Variants in SIPA1L2 observed in about 807,000 individuals in gnomAD.
The protein encoded by SIPA1L2 is signal induced proliferation associated 1 like 2.
In SIPA1L2, 56 loss-of-function variants were observed where a neutral mutation model predicts 163.9. That is an observed-to-expected ratio of 0.34 (90% CI 0.28 to 0.43). SIPA1L2 has a LOEUF of 0.43. SIPA1L2 is among the 20% of genes least tolerant of loss of function. The pLI is 1.00. For missense variants in SIPA1L2, 1,974 were observed against 2,193.5 expected (o/e 0.90, Z 2.00); for synonymous variants, 877 against 865.7 (o/e 1.01, Z -0.23).
Position 232,479,643 on chromosome 1 carries a change from G to C in SIPA1L2, c.2069C>G (p.Pro690Arg). The C allele has an allele frequency of 6.2e-7, 1 of 1,613,550 alleles. No individual in the cohort carries two copies. The highest frequency in any genetic ancestry group is 1.3e-5 in the African/African-American group (1 of 74,970). Reference sequence around the variant, plus strand: ...AGGACATACCTGTTGTCTGTTGTTGGGCATGTAGGGAAGCAGGGTTGACAC... The same window carrying C: ...AGGACATACCTGTTGTCTGTTGTTGCGCATGTAGGGAAGCAGGGTTGACAC... ...FHVSTLLPYM[P>R]NNRQQLLRKR... The change falls in exon 7 of 23, where the codon CCC (proline) becomes CGC (arginine). Residue 690 changes from proline to arginine, a missense_variant. Around this residue, in one of 3 missense-constraint regions of SIPA1L2, gnomAD observed 288 missense variants for 418.9 expected, o/e 0.69. Transcript: ENST00000674635.
At chr1:232,541,910 T>A (rs1657704611) in intron 2 of SIPA1L2, among the ~76,000 whole-genome samples, 1 of 146,224 alleles carries the variant, frequency 6.8e-6, no homozygotes, top group Non-Finnish European at 1.5e-5. Flanking sequence ...AGGGAAAGAA[T>A]GTTAAATCTT....
chr1:232,611,857 C>G (rs1662253323), intron 1 of SIPA1L2, among the ~76,000 whole-genome samples: 1 of 152,188 alleles, frequency 6.6e-6, no homozygotes, highest in African/African-American at 2.4e-5. Flanking sequence ...AACTGTTATC[C>G]CCAAGACAAT....
At chr1:232,411,364 G>A (rs1431143265) in intron 19 of SIPA1L2, among the ~76,000 whole-genome samples, 3 of 152,124 alleles carry the variant, frequency 2.0e-5, no homozygotes, top group African/African-American at 4.8e-5. Flanking sequence ...GGGTTTGAGG[G>A]GTAAGGCAGA....
intron 15 of SIPA1L2, 65 bp from the exon 16 acceptor site, chr1:232,432,536 A>C: frequency 6.7e-7 from 1 of 1,492,948 alleles, no homozygotes. Flanking sequence ...CACACGGCCA[A>C]ATTCAGAGCC....
chr1:232,614,761 C>T (rs903116902), intron 1 of SIPA1L2, among the ~76,000 whole-genome samples: 1 of 152,206 alleles, frequency 6.6e-6, no homozygotes, highest in African/African-American at 2.4e-5. Context: ...CTGTTAAAAA[C>T]CATTTAGCCT....
chr1:232,527,725 CT>C lies in SIPA1L2; in HGVS notation c.-269-12118del, dbSNP rs57868657. Among the ~76,000 whole-genome samples the C allele has an allele frequency of 9.2e-3, 741 of 80,898 alleles. 3 individuals are homozygous for C. Among genetic ancestry groups the C allele is most frequent in the African/African-American group, 0.025 (479 of 19,298 alleles). 53.1% of individuals were successfully genotyped at this position (80,898 alleles called of 152,430 possible). ...ACCCCATTTAATTCTTCTTCTTCTT[CT>C]TTTTTTTTTTTTTTTTTTTTTTTGA... is the stretch of plus-strand genomic sequence containing the variant. On this transcript the variant is annotated intron_variant, in intron 2 of 22. Transcript: ENST00000674635.
At position 232,433,202 on chromosome 1, in the gene SIPA1L2, C is replaced by A. The variant is rs184524760; in HGVS notation, c.4032-731G>T. ...CGATTAATAACTATGAATGAATACA[C>A]GGAATACTCTACGAATGAATGGACT... On this transcript the variant is annotated intron_variant, in intron 15 of 22. Coordinates refer to ENST00000674635, the MANE Select transcript of SIPA1L2 (RefSeq NM_020808.5). Among the ~76,000 whole-genome samples the A allele has an allele frequency of 5.9e-4, 90 of 152,266 alleles. 2 individuals carry two copies. The South Asian group carries it at 0.015, about 25-fold the overall frequency.
At chr1:232,500,488 G>A (rs1228587608) in intron 3 of SIPA1L2, among the ~76,000 whole-genome samples, 2 of 152,164 alleles carry the variant, frequency 1.3e-5, no homozygotes, top group Non-Finnish European at 2.9e-5. Context: ...AATTTAGAAG[G>A]TGGCTCCAAC....
In SIPA1L2 at chr1:232,445,722, AG is replaced by A. The variant is rs1366695849; in HGVS notation, c.3159del (p.Cys1054AlafsTer194). Reference protein sequence around the residue: ...VEYKLDSEGTPCEYKTPFRRN... With the variant: ...VEYKLDSEGTXCEYKTPFRRN... Reference sequence around the variant, plus strand: ...CTCCTGAAGGGGGTTTTATACTCGCAGGGGGTGCCCTCGCTGTCGAGTTTAT... The same window carrying A: ...CTCCTGAAGGGGGTTTTATACTCGCAGGGGTGCCCTCGCTGTCGAGTTTAT... On this transcript the variant is annotated frameshift_variant, in exon 11 of 23. Coordinates refer to ENST00000674635, the MANE Select transcript of SIPA1L2 (RefSeq NM_020808.5). LOFTEE classifies it high-confidence loss of function. 1 of 1,613,680 alleles carries A rather than the reference AG, an allele frequency of 6.2e-7. No homozygotes were observed. The highest frequency in any genetic ancestry group is 1.7e-5 in the Admixed American group (1 of 60,014).
Position 232,465,016 on chromosome 1 carries a change from T to A in SIPA1L2, c.2644A>T (p.Met882Leu). ...TTCTTGGAATCCTTTTCAATCAACA[T>A]GATGAACTCATTGGAGATCCCGAGA... is the stretch of plus-strand genomic sequence containing the variant. ...CLLGISNEFI[M>L]LIEKDSKNVV... The change falls in exon 9 of 23, where the codon ATG (methionine) becomes TTG (leucine). Residue 882 changes from methionine to leucine, a missense_variant. Physicochemically the swap from Met to Leu is conservative, Grantham distance 15 (BLOSUM62 2). Around this residue, in one of 3 missense-constraint regions of SIPA1L2, gnomAD observed 1,079 missense variants for 1,150.7 expected, o/e 0.94. Coordinates refer to ENST00000674635, the MANE Select transcript of SIPA1L2 (RefSeq NM_020808.5). The surrounding 1 kb of genome is among the most constrained non-coding windows in gnomAD (Gnocchi z 4.1). The A allele has an allele frequency of 1.2e-6, 2 of 1,614,180 alleles. No individual in the cohort carries two copies. Among genetic ancestry groups the A allele is most frequent in the Non-Finnish European group, 1.7e-6 (2 of 1,180,034 alleles).
intron 19 of SIPA1L2, among the ~76,000 whole-genome samples, chr1:232,407,267 CTTTCCATTTTTT>C (rs985692217): frequency 5.3e-5 from 8 of 151,036 alleles, no homozygotes; most frequent in African/African-American, 1.9e-4. Context: ...AGTCATTTTT[CTTTCCATTTTTT>C]TTTCCACTAA....
chr1:232,462,822 A>G (rs1664311395), intron 9 of SIPA1L2, among the ~76,000 whole-genome samples: 3 of 152,204 alleles, frequency 2.0e-5, no homozygotes, highest in African/African-American at 4.8e-5. Flanking sequence ...GAGCCTTTCC[A>G]GAGTCCTCCA....
At chr1:232,455,857 C>T (rs1050340915) in intron 10 of SIPA1L2, among the ~76,000 whole-genome samples, 1 of 152,086 alleles carries the variant, frequency 6.6e-6, no homozygotes, top group African/African-American at 2.4e-5. Context: ...CAACAGAAAA[C>T]CAAATGCTGT....
chr1:232,452,664 G>A (rs528762345), intron 10 of SIPA1L2, among the ~76,000 whole-genome samples: 2 of 152,262 alleles, frequency 1.3e-5, no homozygotes, highest in African/African-American at 2.4e-5. Flanking sequence ...CAGGCTGACC[G>A]TCAAGACCAT....
rs74660881 is a variant in SIPA1L2 at position 232,501,453 on chromosome 1, G to A, written c.1484-7793C>T. ...TCAGGCAGGGTCCAGCCATAAGACA[G>A]GTGCATCTTCTTCTTGGGCCAGTGA... On this transcript the variant is annotated intron_variant, in intron 3 of 22. Coordinates refer to ENST00000674635, the MANE Select transcript of SIPA1L2 (RefSeq NM_020808.5). Among the ~76,000 whole-genome samples, 118 of 152,192 alleles carry A rather than the reference G, an allele frequency of 7.8e-4. 1 individual carries two copies. The East Asian group carries it at 0.021, about 27-fold the overall frequency.
At chr1:232,438,590 A>G (rs1226945301) in intron 15 of SIPA1L2, among the ~76,000 whole-genome samples, 2 of 152,254 alleles carry the variant, frequency 1.3e-5, no homozygotes, top group African/African-American at 4.8e-5. Flanking sequence ...TCTTTACTGA[A>G]TGAACCCCAG....
At position 232,439,144 on chromosome 1, in the gene SIPA1L2, C is replaced by T. The variant is rs779189673; in HGVS notation, c.3995G>A (p.Ser1332Asn). 4.3e-6 allele frequency: 7 copies of T among 1,612,208 alleles called. No individual in the cohort carries two copies. Among genetic ancestry groups the T allele is most frequent in the South Asian group, 1.1e-5 (1 of 90,980 alleles). ...GGATATCTCACTGAGATCGCCCATGCTGCCTTCCGCAGCACTGCCGGCGGA... is the reference window on the plus strand; with the variant it reads ...GGATATCTCACTGAGATCGCCCATGTTGCCTTCCGCAGCACTGCCGGCGGA... Reference protein sequence around the residue: ...TISAGSAAEGSMGDLSEISSH... With the variant: ...TISAGSAAEGNMGDLSEISSH... Residue 1332 changes from serine (S) to asparagine (N), a missense_variant, in exon 15 of 23, where the codon AGC (serine) becomes AAC (asparagine). Around this residue, in one of 3 missense-constraint regions of SIPA1L2, gnomAD observed 1,079 missense variants for 1,150.7 expected, o/e 0.94. Transcript: ENST00000674635.
chr1:232,435,071 T>C (rs551300944), intron 15 of SIPA1L2, among the ~76,000 whole-genome samples: 2 of 152,216 alleles, frequency 1.3e-5, no homozygotes, highest in South Asian at 4.1e-4. Context: ...TACCCGTGTG[T>C]CTCATGTATT....
At chr1:232,571,173 A>G (rs986278423) in intron 2 of SIPA1L2, among the ~76,000 whole-genome samples, 3 of 152,228 alleles carry the variant, frequency 2.0e-5, no homozygotes, top group Non-Finnish European at 4.4e-5. Flanking sequence ...TAAATGAGCA[A>G]AACAAATACA....
Sources: allele counts gnomAD v4.1 joint callset (sites outside exome capture counted in the v4.1 genomes callset), GRCh38; gene constraint gnomAD v4.1.1; regional missense constraint gnomAD v4.1.1; non-coding constraint Gnocchi (gnomAD v3.1); transcripts MANE v1.5; gene names NCBI Gene and HGNC (gene_info 2026-07-23, HGNC 2026-07-21).